PARP1: variants seen among roughly 807,000 people sequenced by gnomAD.
PARP1 encodes the protein poly [ADP-ribose] polymerase 1.
In PARP1, 44 loss-of-function variants were observed where a neutral mutation model predicts 118.7. The observed-to-expected ratio is 0.37, with a 90% confidence interval of 0.29 to 0.48. The LOEUF is 0.48. Ranked by LOEUF, PARP1 falls within the 20% of genes least tolerant of loss-of-function variation. The probability of loss-of-function intolerance (pLI) is 0.99; values close to 1 mark genes in which losing one functional copy is unlikely to be tolerated. For missense variants in PARP1, 1,100 were observed against 1,272.4 expected, an observed-to-expected ratio of 0.86 and a Z score of 2.06; for synonymous variants, 492 against 483.2, an observed-to-expected ratio of 1.02 and a Z score of -0.24.
Position 226,379,638 on chromosome 1 carries a change from A to G in PARP1, c.1547T>C (p.Ile516Thr). Reference sequence around the variant, plus strand: ...TTTCATTCTCTTTTCAGATTTGTTGATACCTTGGAGGAGAACAGAAAAATG... The same window carrying G: ...TTTCATTCTCTTTTCAGATTTGTTGGTACCTTGGAGGAGAACAGAAAAATG... Reference protein sequence around the residue: ...KSKGQVKEEGINKSEKRMKLT... With the variant: ...KSKGQVKEEGTNKSEKRMKLT... Residue 516 changes from isoleucine to threonine, a missense_variant, in exon 11 of 23, where the codon ATC becomes ACC. By Grantham distance (89) the Ile-to-Thr change is moderately conservative. Coordinates refer to ENST00000366794, the MANE Select transcript of PARP1 (RefSeq NM_001618.4). 3 of 1,607,672 alleles carry G rather than the reference A, an allele frequency of 1.9e-6. No homozygotes were observed. Among genetic ancestry groups the G allele is most frequent in the Non-Finnish European group, 2.6e-6 (3 of 1,175,258 alleles).
At chr1:226,372,095 T>C (rs1204261235) in intron 14 of PARP1, among the ~76,000 whole-genome samples, 1 of 152,182 alleles carries the variant, frequency 6.6e-6, no homozygotes, top group Non-Finnish European at 1.5e-5. Flanking sequence ...CCCCCTGCCA[T>C]GTGTCGTGAC....
Position 226,366,011 on chromosome 1 carries a change from C to T in PARP1, c.2448G>A (p.Lys816=), listed in dbSNP as rs1198425963. The T allele has an allele frequency of 6.2e-7, 1 of 1,613,602 alleles. No individual in the cohort carries two copies. Among genetic ancestry groups the T allele is most frequent in the African/African-American group, 1.3e-5 (1 of 74,928 alleles). The change falls in exon 18 of 23, where the codon AAG becomes AAA. Residue 816 remains lysine, a synonymous_variant. Coordinates refer to ENST00000366794, the MANE Select transcript of PARP1 (RefSeq NM_001618.4). ...RDSEEAEIIR[K]YVKNTHATTH... is the part of the protein sequence containing the mutation. ...TGGTTGCATGAGTGTTCTTAACATA[C>T]TTCCTGATGATCTCGGCTTCTTCAG...
chr1:226,379,595 T>C lies in PARP1; in HGVS notation c.1590A>G (p.Gly530=). 6.2e-7 allele frequency: 1 copy of C among 1,613,370 alleles called. No individual in the cohort carries two copies. Among genetic ancestry groups the C allele is most frequent in the Non-Finnish European group, 8.5e-7 (1 of 1,179,532 alleles). ...EKRMKLTLKG[G]AAVDPDSGLE... ...TACCAGAATCAGGATCCACAGCTGC[T>C]CCTCCTTTAAGAGTTAATTTCATTC... The change falls in exon 11 of 23, where the codon GGA becomes GGG. Residue 530 remains glycine, a synonymous_variant. Coordinates refer to ENST00000366794, the MANE Select transcript of PARP1 (RefSeq NM_001618.4).
At chr1:226,399,891 GA>G (rs1001725289) in intron 2 of PARP1, among the ~76,000 whole-genome samples, 8 of 152,012 alleles carry the variant, frequency 5.3e-5, no homozygotes, top group South Asian at 4.1e-4. Flanking sequence ...ACTGCTATAA[GA>G]AAAAAAGTCT....
intron 4 of PARP1, 130 bp from the exon 5 acceptor site, chr1:226,388,885 C>T: frequency 1.3e-6 from 1 of 772,556 alleles, no homozygotes; most frequent in African/African-American, 1.7e-5. Flanking sequence ...CTTGTCACTC[C>T]CTAACCCCTG....
At chr1:226,382,553 G>GT (rs3219064) in intron 8 of PARP1, among the ~76,000 whole-genome samples, 6 of 152,144 alleles carry the variant, frequency 3.9e-5, no homozygotes, top group Admixed American at 3.9e-4. Flanking sequence ...TAGAGATAGG[G>GT]TATCACTCCA....
In PARP1 at chr1:226,386,353, CTTG is replaced by C. The variant is rs1558239262; in HGVS notation, c.804_806del (p.Asn268del). 1 of 1,612,938 alleles carries C rather than the reference CTTG, an allele frequency of 6.2e-7. No homozygotes were observed. The highest frequency in any genetic ancestry group is 2.2e-5 in the East Asian group (1 of 44,882). The stretch of plus-strand genomic sequence containing the variant: ...CCGACTCCCCAGAAGGCACTTGCTG[CTTG>C]TTGAAGATGAGTAGCTCCTTCAGGT... On this transcript the variant is annotated inframe_deletion, in exon 6 of 23. Coordinates refer to ENST00000366794, the MANE Select transcript of PARP1 (RefSeq NM_001618.4).
rs1358615161 is a variant in PARP1 at position 226,377,159 on chromosome 1, AT to A, written c.1889del (p.Asn630IlefsTer23). Reference protein sequence around the residue: ...EKTGNAWHSKNFTKYPKKFYP... With the variant: ...EKTGNAWHSKXFTKYPKKFYP... ...AGAACTTTTTGGGATACTTCGTGAA[AT>A]TTTTGGAGTGCCAAGCGTTCCCGGT... On this transcript the variant is annotated frameshift_variant, in exon 13 of 23. Transcript: ENST00000366794. LOFTEE classifies it high-confidence loss of function. 3 of 1,613,966 alleles carry A rather than the reference AT, an allele frequency of 1.9e-6. No individual in the cohort carries two copies. The highest frequency in any genetic ancestry group is 1.3e-5 in the African/African-American group (1 of 74,876).
intron 14 of PARP1, 52 bp downstream of exon 14, chr1:226,374,173 CA>C: frequency 6.2e-7 from 1 of 1,607,000 alleles, no homozygotes; most frequent in Non-Finnish European, 8.5e-7. Flanking sequence ...ACTAGCTCAG[CA>C]AATAATCATC....
Position 226,363,985 on chromosome 1 carries a change from G to T in PARP1, c.2744C>A (p.Pro915Gln). 6.2e-7 allele frequency: 1 copy of T among 1,613,954 alleles called. No homozygotes were observed. Among genetic ancestry groups the T allele is most frequent in the Non-Finnish European group, 8.5e-7 (1 of 1,179,904 alleles). Residue 915 changes from proline (P) to glutamine (Q), a missense_variant, in exon 20 of 23, where the codon CCA (proline) becomes CAA (glutamine). Transcript: ENST00000366794. ...ANYCHTSQGD[P>Q]IGLILLGEVA... ...TTCTCCCAACAGGATTAAGCCTATT[G>T]GGTCTCCCTGAGACGTATGGCAGTA...
In PARP1 at chr1:226,365,005, G is replaced by T; in HGVS notation, c.2655C>A (p.Pro885=). The T allele has an allele frequency of 6.2e-7, 1 of 1,613,792 alleles. No homozygotes were observed. Among genetic ancestry groups the T allele is most frequent in the Non-Finnish European group, 8.5e-7 (1 of 1,180,024 alleles). The change falls in exon 19 of 23, where the codon CCC becomes CCA. Residue 885 remains proline (P), a synonymous_variant. Transcript: ENST00000366794. ...QGLRIAPPEA[P]VTGYMFGKGI... is the part of the protein sequence containing the mutation. The stretch of plus-strand genomic sequence containing the variant: ...CCTCGCCAGGCCAGGCACATACCAC[G>T]GGCGCTTCAGGCGGGGCTATCCGAA...
intron 12 of PARP1, 37 bp downstream of exon 12, chr1:226,379,105 T>C (rs775727127): frequency 3.1e-6 from 5 of 1,613,466 alleles, no homozygotes; most frequent in Admixed American, 1.7e-5. Context: ...GACGGGCCCA[T>C]GTCTCTGCAC....
Position 226,368,081 on chromosome 1 carries a change from G to A in PARP1, c.2277+118C>T. 5 of 1,397,826 alleles carry A rather than the reference G, an allele frequency of 3.6e-6. No homozygotes were observed. In the South Asian group the frequency reaches 5.8e-5, roughly 16 times the overall value. 86.6% of individuals were successfully genotyped at this position (1,397,826 alleles called of 1,614,324 possible). A position where few individuals can be genotyped will look rare whatever the true frequency, so the allele number is the denominator to read the frequency against. ...AAACCCAACTTCAAAACAAGGGCAA[G>A]AGGGTGGCCCTCCCAGCATTGGTGC... On this transcript the variant is annotated intron_variant, in intron 16 of 22. Coordinates refer to ENST00000366794, the MANE Select transcript of PARP1 (RefSeq NM_001618.4).
chr1:226,398,512 G>A (rs533006531), intron 2 of PARP1, among the ~76,000 whole-genome samples: 18 of 143,106 alleles, frequency 1.3e-4, no homozygotes, highest in South Asian at 6.7e-4. Context: ...CCTGGGCGAC[G>A]GAGCAAGACA....
chr1:226,375,167 T>TA (rs1485105216), intron 13 of PARP1, among the ~76,000 whole-genome samples: 1 of 152,250 alleles, frequency 6.6e-6, no homozygotes, highest in South Asian at 2.1e-4. Context: ...CTTGCGTTGT[T>TA]AGTGTTCATG....
At chr1:226,363,721 C>T (rs3219144) in intron 20 of PARP1, among the ~76,000 whole-genome samples, 13 of 152,248 alleles carry the variant, frequency 8.5e-5, no homozygotes, top group African/African-American at 2.9e-4. Context: ...CTCTGGAGGC[C>T]TGGCTGCGTT....
At chr1:226,384,135 G>A (rs1664672766) in intron 7 of PARP1, among the ~76,000 whole-genome samples, 1 of 152,372 alleles carries the variant, frequency 6.6e-6, no homozygotes, top group South Asian at 2.1e-4. Context: ...CCCACTGGGA[G>A]CTGAAAACAC....
chr1:226,407,555 C>A (rs139528102), intron 1 of PARP1, among the ~76,000 whole-genome samples: 1 of 152,086 alleles, frequency 6.6e-6, no homozygotes, highest in African/African-American at 2.4e-5. Context: ...AGAGGCTCCT[C>A]GTTTTCACAA....
At chr1:226,402,969 T>C (rs1163615266) in intron 1 of PARP1, among the ~76,000 whole-genome samples, 1 of 151,748 alleles carries the variant, frequency 6.6e-6, no homozygotes, top group East Asian at 1.9e-4. Context: ...CAGATGGGAG[T>C]GGAATGAATG....
Sources: allele counts gnomAD v4.1 joint callset (sites outside exome capture counted in the v4.1 genomes callset), GRCh38; gene constraint gnomAD v4.1.1; transcripts MANE v1.5; gene names NCBI Gene and HGNC (gene_info 2026-07-23, HGNC 2026-07-21).